FBP1: variants seen among roughly 807,000 people sequenced by gnomAD.
The protein encoded by FBP1 is fructose-1,6-bisphosphatase 1.
A neutral mutation model predicts 29.9 loss-of-function variants in FBP1; 22 were observed. That is an observed-to-expected ratio of 0.74 (90% confidence interval 0.53 to 1.05). FBP1 has a LOEUF of 1.05. Ranked by LOEUF, FBP1 falls within the 50% of genes least tolerant of loss-of-function variation. FBP1 has a pLI of 0.00. For missense variants in FBP1, 345 were observed against 448.2 expected (o/e 0.77, Z 2.08); for synonymous variants, 175 against 178.6 (o/e 0.98, Z 0.16).
chr9:94,616,171 G>C (rs1277696565), intron 3 of FBP1, among the ~76,000 whole-genome samples: 1 of 152,068 alleles, frequency 6.6e-6, no homozygotes, highest in Non-Finnish European at 1.5e-5. Context: ...TCCTAGAACA[G>C]AGTTCAGCTG....
chr9:94,640,242 G>C (rs894196700), upstream of FBP1: 1 of 152,274 alleles, frequency 6.6e-6, no homozygotes, highest in East Asian at 1.9e-4. Context: ...CCCCCTGGTA[G>C]CCACAATGCT....
upstream of FBP1, chr9:94,640,248 A>G (rs1828266524): frequency 6.6e-6 from 1 of 152,286 alleles, no homozygotes; most frequent in South Asian, 2.1e-4. Flanking sequence ...GGTAGCCACA[A>G]TGCTGCAATT....
chr9:94,609,863 A>G, intron 4 of FBP1, 58 bp downstream of exon 4: 2 of 1,586,910 alleles, frequency 1.3e-6, no homozygotes, highest in South Asian at 1.1e-5. Flanking sequence ...CCCCACACAT[A>G]TCATTCATTT....
At chr9:94,605,642 C>G in intron 5 of FBP1, 66 bp from the exon 6 acceptor site, 3 of 1,539,202 alleles carry the variant, frequency 1.9e-6, no homozygotes, top group Non-Finnish European at 2.7e-6. Context: ...CTTGGTGTCT[C>G]CTAAGTTTCT....
chr9:94,617,357 G>A (rs774212666), intron 3 of FBP1, among the ~76,000 whole-genome samples: 7 of 152,134 alleles, frequency 4.6e-5, no homozygotes, highest in Non-Finnish European at 7.3e-5. Context: ...GACTCAGCCC[G>A]GGGCTCATAG....
chr9:94,625,658 G>A (rs376004785), intron 1 of FBP1, among the ~76,000 whole-genome samples: 2 of 152,244 alleles, frequency 1.3e-5, no homozygotes, highest in Non-Finnish European at 2.9e-5. Flanking sequence ...AGCCGGGGAC[G>A]GTGGCAGGCG....
intron 3 of FBP1, among the ~76,000 whole-genome samples, chr9:94,610,302 T>G (rs1827765466): frequency 6.6e-6 from 1 of 152,200 alleles, no homozygotes; most frequent in Non-Finnish European, 1.5e-5. Flanking sequence ...CCTCCAATTT[T>G]TCTAATGTGA....
chr9:94,635,650 T>A (rs999434289), intron 1 of FBP1, among the ~76,000 whole-genome samples: 1 of 152,196 alleles, frequency 6.6e-6, no homozygotes, highest in Non-Finnish European at 1.5e-5. Flanking sequence ...CATGTGATAC[T>A]GAAAATGGCC....
At chr9:94,634,751 C>T (rs28402393) in intron 1 of FBP1, among the ~76,000 whole-genome samples, 2,936 of 152,254 alleles carry the variant, frequency 0.019, 44 homozygotes, top group Middle Eastern at 0.031. Context: ...AGCCTGAATT[C>T]ACATCAAAAA....
chr9:94,615,319 A>AT (rs895001940), intron 3 of FBP1, among the ~76,000 whole-genome samples: 133 of 146,596 alleles, frequency 9.1e-4, no homozygotes, highest in East Asian at 4.7e-3. Flanking sequence ...AGCTGGCTTG[A>AT]TTTTTTTTTT....
chr9:94,617,541 A>C (rs749820808), intron 3 of FBP1, among the ~76,000 whole-genome samples: 10 of 152,232 alleles, frequency 6.6e-5, no homozygotes, highest in Non-Finnish European at 1.2e-4. Flanking sequence ...AAAGAGTGAA[A>C]TATCCTTCTC....
At position 94,633,791 on chromosome 9, in the gene FBP1, G is replaced by A. The variant is rs1484448765; in HGVS notation, c.170+5350C>T. On this transcript the variant is annotated intron_variant, in intron 1 of 6. Coordinates refer to ENST00000375326, the MANE Select transcript of FBP1 (RefSeq NM_000507.4). ...GCGATCTCGGCTCACTGCAAGCTCCGCCTCCCAGATTCACAACATTCTCCT... is the reference window on the plus strand; with the variant it reads ...GCGATCTCGGCTCACTGCAAGCTCCACCTCCCAGATTCACAACATTCTCCT... Among the ~76,000 whole-genome samples, 8 of 151,626 alleles carry A rather than the reference G, an allele frequency of 5.3e-5. No homozygotes were observed. The East Asian group carries it at 6.0e-4, about 11-fold the overall frequency.
In FBP1 at chr9:94,606,823, A is replaced by C. The variant is rs2297085; in HGVS notation, c.697T>G (p.Phe233Val). 3 of 1,613,756 alleles carry C rather than the reference A, an allele frequency of 1.9e-6. No homozygotes were observed. Among genetic ancestry groups the C allele is most frequent in the South Asian group, 2.2e-5 (2 of 91,054 alleles). The change falls in exon 5 of 7, where the codon TTC becomes GTC. Residue 233 changes from phenylalanine to valine, a missense_variant. Transcript: ENST00000375326. Reference sequence around the variant, plus strand: ...CCCGGGCCCTCACTTACTGGGGGGAACTTCTTCCTCTGGATGTACTCAGTG... The same window carrying C: ...CCCGGGCCCTCACTTACTGGGGGGACCTTCTTCCTCTGGATGTACTCAGTG... ...AVTEYIQRKK[F>V]PPDNSAPYGA...
At position 94,603,518 on chromosome 9, in the gene FBP1, C is replaced by T. The variant is rs1064795826; in HGVS notation, c.880G>A (p.Gly294Arg). The T allele has an allele frequency of 3.1e-6, 5 of 1,614,010 alleles. No individual in the cohort carries two copies. In the Admixed American group the frequency reaches 5.0e-5, roughly 16 times the overall value. ...PMAYVMEKAG[G>R]MATTGKEAVL... ...GCCTCCTTCCCAGTGGTGGCCATTC[C>T]CCCAGCCTTCTCCATGACGTAGGCC... The change falls in exon 7 of 7, where the codon GGA (glycine) becomes AGA (arginine). Residue 294 changes from glycine to arginine, a missense_variant. Transcript: ENST00000375326.
intron 1 of FBP1, among the ~76,000 whole-genome samples, chr9:94,633,631 TC>T (rs1828143745): frequency 6.6e-6 from 1 of 151,802 alleles, no homozygotes; most frequent in East Asian, 1.9e-4. Flanking sequence ...GCCTTTTGCT[TC>T]CCCTGCACGT....
At chr9:94,604,947 G>A (rs1018180113) in intron 6 of FBP1, among the ~76,000 whole-genome samples, 7 of 152,154 alleles carry the variant, frequency 4.6e-5, no homozygotes, top group African/African-American at 1.4e-4. Context: ...CTAGTGAGTC[G>A]GTGGTGACGG....
At chr9:94,606,181 C>A (rs1043803565) in intron 5 of FBP1, among the ~76,000 whole-genome samples, 2 of 152,136 alleles carry the variant, frequency 1.3e-5, no homozygotes, top group African/African-American at 4.8e-5. Flanking sequence ...CAGCAGCCAT[C>A]GATGGCTTTT....
intron 2 of FBP1, 96 bp from the exon 3 acceptor site, chr9:94,617,956 AGTTC>A: frequency 8.3e-6 from 8 of 962,878 alleles, no homozygotes; most frequent in Admixed American, 5.7e-5. Flanking sequence ...TTTAGAAGAA[AGTTC>A]AAAAAATGTG....
intron 1 of FBP1, among the ~76,000 whole-genome samples, chr9:94,635,305 G>A (rs978112185): frequency 1.3e-5 from 2 of 152,230 alleles, no homozygotes; most frequent in African/African-American, 2.4e-5. Flanking sequence ...CTAGCTGACT[G>A]TTGAGTCTCT....
Sources: gnomAD v4.1 joint callset for allele counts (sites outside exome capture counted in the v4.1 genomes callset) on GRCh38, gnomAD v4.1.1 for gene constraint, MANE v1.5 for transcripts, NCBI Gene and HGNC (gene_info 2026-07-23, HGNC 2026-07-21) for gene names.